Variants in TRRAP observed in about 807,000 individuals in gnomAD.
The protein encoded by TRRAP is transformation/transcription domain associated protein, also known as transformation/transcription domain-associated protein.
In TRRAP, 41 loss-of-function variants were observed where a neutral mutation model predicts 438.8. The ratio of observed to expected loss-of-function variants is 0.09; its 90% CI spans 0.07 to 0.12. The LOEUF is 0.12. Ranked by LOEUF, TRRAP falls within the 10% of genes least tolerant of loss-of-function variation. The pLI is 1.00. For synonymous variants in TRRAP, 1,994 were observed against 1,962.9 expected (o/e 1.02, Z -0.42); for missense variants, 3,122 against 5,055.1 (o/e 0.62, Z 11.60).
chr7:99,012,431 G>A lies in TRRAP; in HGVS notation c.*76G>A. The A allele has an allele frequency of 1.4e-6, 2 of 1,457,956 alleles. No individual in the cohort carries two copies. Among genetic ancestry groups the A allele is most frequent in the African/African-American group, 1.4e-5 (1 of 70,476 alleles). 90.3% of individuals were successfully genotyped at this position (1,457,956 alleles called of 1,614,324 possible). ...CCCGCAGCTTTTACGACTTCTCCCT[G>A]CCTCGTTCCTTATATTCACAGAAGC... On this transcript the variant is annotated 3_prime_UTR_variant, in exon 73 of 73. Transcript: ENST00000456197. This position sits in a 1 kb window ranked among gnomAD's most constrained non-coding sequence, Gnocchi z 5.9.
chr7:98,903,304 G>A, intron 11 of TRRAP, 75 bp from the exon 12 acceptor site: 1 of 1,566,238 alleles, frequency 6.4e-7, no homozygotes, highest in Non-Finnish European at 8.7e-7. Context: ...GAATTTTTAA[G>A]AAGCTGATAA....
chr7:98,899,636 A>G, intron 9 of TRRAP, 43 bp from the exon 10 acceptor site: 1 of 1,612,026 alleles, frequency 6.2e-7, no homozygotes, highest in South Asian at 1.1e-5. Context: ...TTGTCGCCAT[A>G]GCAGAGTGTC....
chr7:98,919,811 A>G (rs1789699768), intron 20 of TRRAP, among the ~76,000 whole-genome samples: 1 of 152,164 alleles, frequency 6.6e-6, no homozygotes, highest in Non-Finnish European at 1.5e-5. Context: ...AGATAGCCCA[A>G]AAGAGACACA....
chr7:98,912,307 T>C, intron 18 of TRRAP, 94 bp downstream of exon 18: 1 of 1,369,352 alleles, frequency 7.3e-7, no homozygotes, highest in Non-Finnish European at 9.8e-7. Context: ...CTGGTCAGCG[T>C]TCTGGACTCA....
At chr7:98,985,508 G>A (rs1186575470) in intron 62 of TRRAP, among the ~76,000 whole-genome samples, 1 of 152,238 alleles carries the variant, frequency 6.6e-6, no homozygotes, top group Admixed American at 6.5e-5. Context: ...GCAGAGTTGA[G>A]GAGTTGTGAT....
At chr7:98,967,756 G>A (rs921173561) in intron 51 of TRRAP, 58 bp downstream of exon 51, 2 of 1,529,522 alleles carry the variant, frequency 1.3e-6, no homozygotes, top group African/African-American at 1.4e-5. Context: ...TCTGAGTTGG[G>A]GCTCCAAAGC....
chr7:98,899,400 C>A (rs1554406281), intron 8 of TRRAP, 22 bp from the exon 9 acceptor site: 3 of 1,612,386 alleles, frequency 1.9e-6, no homozygotes, highest in Admixed American at 3.3e-5. Flanking sequence ...TAACCCGGGT[C>A]CTACCCATTT....
chr7:98,965,072 C>T (rs576534998), intron 48 of TRRAP, among the ~76,000 whole-genome samples: 5 of 152,336 alleles, frequency 3.3e-5, no homozygotes, highest in Admixed American at 6.5e-5. Context: ...GCTGTGATCA[C>T]GCCTGTGAAT....
Position 99,012,792 on chromosome 7 carries a change from A to G in TRRAP, c.*437A>G, listed in dbSNP as rs933486189. On this transcript the variant is annotated 3_prime_UTR_variant, in exon 73 of 73. Coordinates refer to ENST00000456197, the MANE Select transcript of TRRAP (RefSeq NM_001375524.1). This position sits in a 1 kb window ranked among gnomAD's most constrained non-coding sequence, Gnocchi z 5.9. ...TTGTACAGACCTTTGTAACAAGTGT[A>G]CAGAAAACTCATTTTGTTTGAGAAA... 94 of 161,306 alleles carry G rather than the reference A, an allele frequency of 5.8e-4. 1 individual carries two copies. The highest frequency in any genetic ancestry group is 1.6e-4 in the Non-Finnish European group (12 of 74,234). The allele number at this position is 161,306 out of a possible 1,614,324, so 10.0% of individuals were successfully genotyped here.
intron 67 of TRRAP, among the ~76,000 whole-genome samples, chr7:99,002,964 G>A (rs1584413262): frequency 6.6e-6 from 1 of 152,166 alleles, no homozygotes; most frequent in Non-Finnish European, 1.5e-5. Context: ...CCTATACCAC[G>A]GGTTAGAAAA....
At chr7:98,909,029 T>TC in intron 14 of TRRAP, 67 bp downstream of exon 14, 1 of 1,433,436 alleles carries the variant, frequency 7.0e-7, no homozygotes, top group East Asian at 2.5e-5. Flanking sequence ...ATTTTTTTTT[T>TC]TTTTTTTTTT....
chr7:98,977,430 A>AT (rs550956111), intron 56 of TRRAP, among the ~76,000 whole-genome samples: 125 of 152,322 alleles, frequency 8.2e-4, no homozygotes, highest in Admixed American at 1.6e-3. Flanking sequence ...AAGTGCTAGG[A>AT]TTACAGGTAT....
chr7:98,952,723 G>A (rs781980244), intron 39 of TRRAP, among the ~76,000 whole-genome samples: 67 of 152,130 alleles, frequency 4.4e-4, no homozygotes, highest in East Asian at 1.9e-4. Flanking sequence ...TCATCCACAC[G>A]TTGCCAAAGA....
chr7:99,011,184 G>T lies in TRRAP; in HGVS notation c.11071G>T (p.Ala3691Ser), dbSNP rs1309759559. 5 of 1,613,984 alleles carry T rather than the reference G, an allele frequency of 3.1e-6. No homozygotes were observed. Among genetic ancestry groups the T allele is most frequent in the Middle Eastern group, 1.6e-4 (1 of 6,084 alleles). ...CCGGAAGATGTTCACCATCCAGCTG[G>T]CTCTGATAGGCTTCGCGGAATTCGT... ...TFRKMFTIQL[A>S]LIGFAEFVLH... Residue 3691 changes from alanine to serine, a missense_variant, in exon 71 of 73, where the codon GCT becomes TCT. Physicochemically the swap from Ala to Ser is moderately conservative, Grantham distance 99. Transcript: ENST00000456197. This position sits in a 1 kb window ranked among gnomAD's most constrained non-coding sequence, Gnocchi z 7.1.
At position 98,958,310 on chromosome 7, in the gene TRRAP, T is replaced by G. The variant is rs917090200; in HGVS notation, c.6342+219T>G. 6.9e-5 allele frequency among the ~76,000 whole-genome samples: 10 copies of G among 144,066 alleles called. No individual in the cohort carries two copies. In the South Asian group the frequency reaches 1.1e-3, roughly 16 times the overall value. 94.5% of individuals were successfully genotyped at this position (144,066 alleles called of 152,430 possible). A position where few individuals can be genotyped will look rare whatever the true frequency, so the allele number is the denominator to read the frequency against. ...CTTATAATTGATCTAATTTTTTTGGTTTTTTTTTTTGAGATGGAGTCTCGC... is the reference window on the plus strand; with the variant it reads ...CTTATAATTGATCTAATTTTTTTGGGTTTTTTTTTTGAGATGGAGTCTCGC... On this transcript the variant is annotated intron_variant, in intron 44 of 72. Transcript: ENST00000456197.
chr7:98,933,932 T>C (rs1554413616), intron 27 of TRRAP, among the ~76,000 whole-genome samples: 2 of 152,232 alleles, frequency 1.3e-5, no homozygotes, highest in East Asian at 1.9e-4. Context: ...GCAGGTGAGC[T>C]GGAGAGCTTG....
rs145787092 is a variant in TRRAP, at chr7:98,967,434, A to G, written c.7299-51A>G. 3.3e-4 allele frequency: 523 copies of G among 1,583,344 alleles called. 2 individuals carry two copies. The African/African-American group carries it at 5.9e-3, about 18-fold the overall frequency. On this transcript the variant is annotated intron_variant, in intron 50 of 72. Coordinates refer to ENST00000456197, the MANE Select transcript of TRRAP (RefSeq NM_001375524.1). ...CGTTCACCTGTTTCTGCTTGTTTGC[A>G]TATGACTTGGGGAGTCCATCGTCTT...
intron 18 of TRRAP, among the ~76,000 whole-genome samples, chr7:98,913,724 T>G (rs1448592499): frequency 6.6e-6 from 1 of 152,216 alleles, no homozygotes; most frequent in Non-Finnish European, 1.5e-5. Flanking sequence ...AAGAACATCT[T>G]AGAGAAGATG....
intron 1 of TRRAP, among the ~76,000 whole-genome samples, chr7:98,880,858 AG>A (rs1264074481): frequency 6.6e-6 from 1 of 152,206 alleles, no homozygotes; most frequent in African/African-American, 2.4e-5. Context: ...ACTCAGAGAA[AG>A]AGAAAATACC....
Sources: allele counts gnomAD v4.1 joint callset (sites outside exome capture counted in the v4.1 genomes callset), GRCh38; gene constraint gnomAD v4.1.1; non-coding constraint Gnocchi (gnomAD v3.1); transcripts MANE v1.5; gene names NCBI Gene and HGNC (gene_info 2026-07-23, HGNC 2026-07-21).